Variants in CCDC178 observed in about 807,000 individuals in gnomAD.
CCDC178 encodes the protein coiled-coil domain-containing protein 178.
A neutral mutation model predicts 117.4 loss-of-function variants in CCDC178; 126 were observed. That is an observed-to-expected ratio of 1.07 (90% CI 0.93 to 1.24). The LOEUF is 1.24. Among genes scored for constraint, CCDC178 ranks in the 50% most tolerant of loss-of-function variants. The pLI is 0.00. For missense variants in CCDC178, 1,030 were observed against 986.9 expected, an observed-to-expected ratio of 1.04 and a Z score of -0.59; for synonymous variants, 283 against 313.4, an observed-to-expected ratio of 0.90 and a Z score of 1.02.
chr18:33,357,956 G>A lies in CCDC178; in HGVS notation c.349-1610C>T, dbSNP rs558041720. ...TTGCTAGGCAATTCTGTCATTGTGC[G>A]AACATCATAAGAGTATATTTATACA... On this transcript the variant is annotated intron_variant, in intron 6 of 22. Transcript: ENST00000383096. Among the ~76,000 whole-genome samples, 51 of 119,054 alleles carry A rather than the reference G, an allele frequency of 4.3e-4. 1 individual carries two copies. The South Asian group carries it at 0.012, about 29-fold the overall frequency. 78.1% of individuals were successfully genotyped at this position (119,054 alleles called of 152,430 possible). A position where few individuals can be genotyped will look rare whatever the true frequency, so the allele number is the denominator to read the frequency against.
At chr18:33,125,600 C>G (rs779879259) in intron 20 of CCDC178, among the ~76,000 whole-genome samples, 4 of 152,166 alleles carry the variant, frequency 2.6e-5, no homozygotes, top group Admixed American at 6.5e-5. Context: ...AGTGTCTCCT[C>G]TGGCTGTGAC....
intron 21 of CCDC178, among the ~76,000 whole-genome samples, chr18:33,052,158 T>C (rs1438184160): frequency 6.6e-6 from 1 of 152,188 alleles, no homozygotes; most frequent in Non-Finnish European, 1.5e-5. Context: ...CAAATGTTTC[T>C]AGCAAACTTT....
chr18:33,122,517 G>A (rs1211730217), intron 20 of CCDC178, among the ~76,000 whole-genome samples: 1 of 152,044 alleles, frequency 6.6e-6, no homozygotes, highest in East Asian at 1.9e-4. Flanking sequence ...ATAAAGGCAA[G>A]AATATAACAG....
chr18:33,034,285 T>C (rs2056401579), intron 21 of CCDC178, among the ~76,000 whole-genome samples: 1 of 152,010 alleles, frequency 6.6e-6, no homozygotes, highest in Non-Finnish European at 1.5e-5. Flanking sequence ...CAGAACTCCT[T>C]TCCTGTCTTT....
chr18:33,055,199 T>C lies in CCDC178; in HGVS notation c.2388+37562A>G, dbSNP rs527696156. The stretch of plus-strand genomic sequence containing the variant: ...TTGTCAGATGAACACACTGAAACAA[T>C]TTTCTCTCATTTTGCAGGTTGTCTG... On this transcript the variant is annotated intron_variant, in intron 21 of 22. Coordinates refer to ENST00000383096, the MANE Select transcript of CCDC178 (RefSeq NM_001105528.4). 9.2e-5 allele frequency among the ~76,000 whole-genome samples: 14 copies of C among 152,268 alleles called. No individual in the cohort carries two copies. In the South Asian group the frequency reaches 2.1e-3, roughly 23 times the overall value.
At chr18:33,428,221 C>T (rs1167097443) in intron 2 of CCDC178, among the ~76,000 whole-genome samples, 2 of 152,148 alleles carry the variant, frequency 1.3e-5, no homozygotes, top group Admixed American at 6.5e-5. Flanking sequence ...AATAATGAGA[C>T]AACTCCTGCC....
intron 8 of CCDC178, among the ~76,000 whole-genome samples, chr18:33,347,593 A>G (rs1242139097): frequency 6.6e-6 from 1 of 152,156 alleles, no homozygotes; most frequent in African/African-American, 2.4e-5. Context: ...TGTCTTTTTT[A>G]AATGAAAACA....
intron 20 of CCDC178, among the ~76,000 whole-genome samples, chr18:33,110,384 A>G (rs1343762888): frequency 1.3e-5 from 2 of 151,582 alleles, no homozygotes; most frequent in African/African-American, 2.4e-5. Context: ...TGAATGGAAC[A>G]TCTCAATTTT....
intron 21 of CCDC178, among the ~76,000 whole-genome samples, chr18:33,086,419 T>TACAC (rs1431566552): frequency 6.7e-6 from 1 of 149,530 alleles, no homozygotes; most frequent in African/African-American, 2.5e-5. Flanking sequence ...CATATATAAA[T>TACAC]ATATATACAC....
At chr18:33,372,158 A>G (rs2063309448) in intron 5 of CCDC178, among the ~76,000 whole-genome samples, 1 of 152,116 alleles carries the variant, frequency 6.6e-6, no homozygotes, top group South Asian at 2.1e-4. Context: ...TATGAACTTA[A>G]ATTTGCACTA....
chr18:33,147,141 C>CTTTTTT (rs963180337), intron 20 of CCDC178, among the ~76,000 whole-genome samples: 3 of 117,386 alleles, frequency 2.6e-5, no homozygotes, highest in Non-Finnish European at 3.6e-5. Context: ...TAGCTGATTT[C>CTTTTTT]TTTTTTTTTT....
chr18:33,002,196 G>A (rs2055650358), intron 21 of CCDC178, among the ~76,000 whole-genome samples: 1 of 151,978 alleles, frequency 6.6e-6, no homozygotes, highest in Admixed American at 6.6e-5. Flanking sequence ...GATATTTACA[G>A]AATATTTCAT....
intron 20 of CCDC178, among the ~76,000 whole-genome samples, chr18:33,128,452 T>C (rs1477576746): frequency 6.6e-6 from 1 of 152,116 alleles, no homozygotes; most frequent in East Asian, 1.9e-4. Context: ...AATGTCTTAA[T>C]TAAAGCATCC....
chr18:32,944,885 G>T (rs1303131237), intron 22 of CCDC178, among the ~76,000 whole-genome samples: 3 of 152,112 alleles, frequency 2.0e-5, no homozygotes, highest in African/African-American at 7.2e-5. Context: ...TCTCTTGCCT[G>T]CTGCCATGTA....
chr18:33,222,179 AT>A (rs891571886), intron 18 of CCDC178, among the ~76,000 whole-genome samples: 1 of 151,818 alleles, frequency 6.6e-6, no homozygotes, highest in Non-Finnish European at 1.5e-5. Context: ...TAATCATGCT[AT>A]TTTTTATTGT....
At chr18:33,316,757 C>T (rs1599150495) in intron 11 of CCDC178, among the ~76,000 whole-genome samples, 1 of 152,000 alleles carries the variant, frequency 6.6e-6, no homozygotes, top group Non-Finnish European at 1.5e-5. Flanking sequence ...TTTGTGGATG[C>T]ACCAATCGGC....
intron 21 of CCDC178, among the ~76,000 whole-genome samples, chr18:33,076,460 G>A (rs747219348): frequency 5.9e-5 from 9 of 152,138 alleles, no homozygotes; most frequent in East Asian, 1.9e-4. Context: ...GCTTACTGCC[G>A]CATTTCAGAT....
At chr18:33,260,682 T>A (rs2059734416) in intron 14 of CCDC178, among the ~76,000 whole-genome samples, 1 of 152,114 alleles carries the variant, frequency 6.6e-6, no homozygotes, top group Non-Finnish European at 1.5e-5. Context: ...TTGATATTTT[T>A]CTATGTTTTC....
At chr18:33,362,905 T>C (rs1406290303) in intron 6 of CCDC178, among the ~76,000 whole-genome samples, 1 of 151,738 alleles carries the variant, frequency 6.6e-6, no homozygotes, top group Non-Finnish European at 1.5e-5. Flanking sequence ...TGGTTAATTT[T>C]ATGCGATGTG....
Sources: allele counts gnomAD v4.1 joint callset (sites outside exome capture counted in the v4.1 genomes callset), GRCh38; gene constraint gnomAD v4.1.1; transcripts MANE v1.5; gene names NCBI Gene and HGNC (gene_info 2026-07-23, HGNC 2026-07-21).